COL25A1: variants seen among roughly 807,000 people sequenced by gnomAD.
The protein encoded by COL25A1 is collagen alpha-1(XXV) chain.
Under a neutral mutation model 128.4 loss-of-function variants are expected in COL25A1, and 103 were observed. The ratio of observed to expected loss-of-function variants is 0.80; its 90% CI spans 0.68 to 0.94. The LOEUF is 0.94. Ranked by LOEUF, COL25A1 falls within the 40% of genes least tolerant of loss-of-function variation. The pLI, the probability that COL25A1 is intolerant of heterozygous loss-of-function variation, is 0.00. For missense variants in COL25A1, 745 were observed against 840.0 expected (o/e 0.89, Z 1.40); for synonymous variants, 279 against 277.2 (o/e 1.01, Z -0.06).
At chr4:109,264,345 T>C (rs779314220) in intron 3 of COL25A1, among the ~76,000 whole-genome samples, 2 of 152,176 alleles carry the variant, frequency 1.3e-5, no homozygotes, top group African/African-American at 2.4e-5. Flanking sequence ...CGGATTTCAC[T>C]TTAGAAAGAA....
intron 3 of COL25A1, among the ~76,000 whole-genome samples, chr4:109,278,084 G>A (rs1723020663): frequency 1.3e-5 from 2 of 150,848 alleles, no homozygotes; most frequent in African/African-American, 4.9e-5. Flanking sequence ...GCAGCGAGCC[G>A]AGATCACACC....
intron 3 of COL25A1, among the ~76,000 whole-genome samples, chr4:109,061,988 T>C (rs1762018243): frequency 6.6e-6 from 1 of 152,222 alleles, no homozygotes; most frequent in Non-Finnish European, 1.5e-5. Flanking sequence ...CTATGTTGCA[T>C]AGGAACTAAC....
At chr4:109,272,752 C>T (rs1009068272) in intron 3 of COL25A1, among the ~76,000 whole-genome samples, 8 of 152,032 alleles carry the variant, frequency 5.3e-5, no homozygotes, top group Admixed American at 1.3e-4. Context: ...TTGCAGGGAG[C>T]GTTATCATCT....
At chr4:109,152,329 A>G (rs960693614) in intron 3 of COL25A1, among the ~76,000 whole-genome samples, 7 of 152,228 alleles carry the variant, frequency 4.6e-5, no homozygotes, top group Non-Finnish European at 8.8e-5. Context: ...ACACAAACTC[A>G]TTAGCATATA....
chr4:109,000,743 CAAAAA>C (rs1180104512), intron 6 of COL25A1, among the ~76,000 whole-genome samples: 2 of 36,422 alleles, frequency 5.5e-5, no homozygotes, highest in African/African-American at 1.7e-4. Context: ...GAGACTCTGT[CAAAAA>C]AAAAAAAAAA....
chr4:109,225,996 TACACACACACACAC>T (rs10642927), intron 3 of COL25A1, among the ~76,000 whole-genome samples: 1,578 of 147,060 alleles, frequency 0.011, 16 homozygotes, highest in Non-Finnish European at 0.017. Context: ...GTATTTGTAA[TACACACACACACAC>T]ACACACACAC....
chr4:109,094,354 C>A (rs1765213025), intron 3 of COL25A1, among the ~76,000 whole-genome samples: 1 of 152,204 alleles, frequency 6.6e-6, no homozygotes, highest in Admixed American at 6.5e-5. Context: ...TTCCTCCTTT[C>A]CATTACATTT....
intron 11 of COL25A1, among the ~76,000 whole-genome samples, chr4:108,932,830 G>T (rs1746913958): frequency 6.6e-6 from 1 of 152,170 alleles, no homozygotes; most frequent in South Asian, 2.1e-4. Flanking sequence ...GAAAGATAAA[G>T]ATAATTTGTG....
At chr4:108,941,226 TTTTG>T in intron 9 of COL25A1, 136 bp downstream of exon 9, 1 of 527,100 alleles carries the variant, frequency 1.9e-6, no homozygotes, top group Non-Finnish European at 3.3e-6. Flanking sequence ...CTAAACTTAA[TTTTG>T]TTTGAGGATA....
chr4:109,142,587 T>G (rs1310948269), intron 3 of COL25A1, among the ~76,000 whole-genome samples: 1 of 152,162 alleles, frequency 6.6e-6, no homozygotes, highest in Non-Finnish European at 1.5e-5. Flanking sequence ...TTTATGACTC[T>G]CGGTGCTCCC....
intron 3 of COL25A1, among the ~76,000 whole-genome samples, chr4:109,056,631 A>G (rs1468725312): frequency 8.8e-6 from 1 of 113,856 alleles, no homozygotes; most frequent in Non-Finnish European, 1.7e-5. Flanking sequence ...GGAAGGTACA[A>G]AAAGATTAAA....
chr4:108,890,514 T>C (rs1247756636), intron 16 of COL25A1, among the ~76,000 whole-genome samples: 1 of 152,154 alleles, frequency 6.6e-6, no homozygotes, highest in Non-Finnish European at 1.5e-5. Flanking sequence ...TAGGAACTAA[T>C]GGGGAAAATA....
chr4:109,160,582 A>G lies in COL25A1; in HGVS notation c.368-110403T>C, dbSNP rs80263909. On this transcript the variant is annotated intron_variant, in intron 3 of 37. Transcript: ENST00000399132. ...CATGGATAAGCCACTACTACCTACA[A>G]GATGCCTTGGGAACGGGCTCTGTCC... Among the ~76,000 whole-genome samples the G allele has an allele frequency of 6.6e-5, 10 of 152,258 alleles. No individual in the cohort carries two copies. In the East Asian group the frequency reaches 1.9e-3, roughly 29 times the overall value.
At chr4:108,910,797 A>G (rs569629219) in intron 13 of COL25A1, among the ~76,000 whole-genome samples, 17 of 152,308 alleles carry the variant, frequency 1.1e-4, no homozygotes, top group Admixed American at 1.1e-3. Context: ...AGATGCCTAT[A>G]ACATTTAGGA....
At chr4:108,891,097 G>A (rs1338755535) in intron 16 of COL25A1, among the ~76,000 whole-genome samples, 1 of 152,014 alleles carries the variant, frequency 6.6e-6, no homozygotes, top group Non-Finnish European at 1.5e-5. Flanking sequence ...TCAGTTCCCG[G>A]GCCCATAGTA....
At chr4:108,996,967 A>G (rs1754842364) in intron 6 of COL25A1, among the ~76,000 whole-genome samples, 1 of 152,252 alleles carries the variant, frequency 6.6e-6, no homozygotes, top group African/African-American at 2.4e-5. Flanking sequence ...ACTGGGACAC[A>G]TTTAAAGCAG....
At chr4:108,982,214 C>T (rs1300814913) in intron 6 of COL25A1, among the ~76,000 whole-genome samples, 3 of 151,860 alleles carry the variant, frequency 2.0e-5, no homozygotes, top group Middle Eastern at 3.2e-3. Context: ...CACACACAAA[C>T]AAAACAAAAA....
At chr4:108,823,637 T>C (rs554788545) in intron 35 of COL25A1, among the ~76,000 whole-genome samples, 2 of 152,310 alleles carry the variant, frequency 1.3e-5, no homozygotes, top group South Asian at 4.2e-4. Flanking sequence ...TTTAAAAATC[T>C]CTGTTGCTCT....
rs57842656 is a variant in COL25A1, at chr4:109,019,375, C to CATATATATATATATATATATATATATAT, written c.421-9001_421-9000insATATATATATATATATATATATATATAT. On this transcript the variant is annotated intron_variant, in intron 5 of 37. Transcript: ENST00000399132. ...ACACACACACACACACACACACACA[C>CATATATATATATATATATATATATATAT]ATATATATATATATATATATATATT... is the stretch of plus-strand genomic sequence containing the variant. 3.1e-3 allele frequency among the ~76,000 whole-genome samples: 149 copies of CATATATATATATATATATATATATATAT among 48,558 alleles called. 1 individual carries two copies. The highest frequency in any genetic ancestry group is 3.8e-3 in the Non-Finnish European group (113 of 29,354). 31.9% of individuals were successfully genotyped at this position (48,558 alleles called of 152,430 possible).
Sources: gnomAD v4.1 joint callset for allele counts (sites outside exome capture counted in the v4.1 genomes callset) on GRCh38, gnomAD v4.1.1 for gene constraint, MANE v1.5 for transcripts, NCBI Gene and HGNC (gene_info 2026-07-23, HGNC 2026-07-21) for gene names.